The following C1QTNF7 variants were observed in gnomAD, a reference collection of about 807,000 sequenced individuals.
The protein encoded by C1QTNF7 is complement C1q tumor necrosis factor-related protein 7.
C1QTNF7 carries 15 observed loss-of-function variants against 19.6 expected under a neutral mutation model. The observed-to-expected ratio is 0.76, with a 90% CI of 0.51 to 1.18. The LOEUF (loss-of-function observed/expected upper bound fraction) is 1.18. Ranked by LOEUF, C1QTNF7 falls within the 50% of genes most tolerant of loss-of-function variation. The pLI is 0.00. For missense variants in C1QTNF7, 324 were observed against 359.7 expected (o/e 0.90, Z 0.80); for synonymous variants, 142 against 137.5 (o/e 1.03, Z -0.23).
upstream of C1QTNF7, among the ~76,000 whole-genome samples, chr4:15,426,199 A>C (rs887151666): frequency 6.6e-6 from 1 of 152,206 alleles, no homozygotes; most frequent in Non-Finnish European, 1.5e-5. Context: ...GGAAAGACAA[A>C]ATAAGACCCC....
At chr4:15,389,306 A>G (rs1718465600) in intron 1 of C1QTNF7, among the ~76,000 whole-genome samples, 1 of 152,192 alleles carries the variant, frequency 6.6e-6, no homozygotes, top group Admixed American at 6.5e-5. Context: ...AAGGCAGGGC[A>G]TGCTGGTGAG....
intron 1 of C1QTNF7, among the ~76,000 whole-genome samples, chr4:15,351,554 T>C (rs889644138): frequency 2.6e-5 from 4 of 152,198 alleles, no homozygotes; most frequent in Non-Finnish European, 1.5e-5. Flanking sequence ...TTCTCAACCA[T>C]GGCTGCACCT....
intron 2 of C1QTNF7, among the ~76,000 whole-genome samples, chr4:15,438,530 A>C (rs1004658024): frequency 8.5e-5 from 13 of 152,220 alleles, no homozygotes; most frequent in Non-Finnish European, 1.3e-4. Flanking sequence ...TCCCTATCCT[A>C]AATGAGAAAT....
At chr4:15,402,581 C>G (rs564228441) in intron 1 of C1QTNF7, among the ~76,000 whole-genome samples, 2 of 151,996 alleles carry the variant, frequency 1.3e-5, no homozygotes, top group Non-Finnish European at 2.9e-5. Context: ...AATTGGGAGG[C>G]TAGGGGTGGA....
rs114750230 is a variant in C1QTNF7, at chr4:15,388,120, C to T, written c.14-47616C>T. Among the ~76,000 whole-genome samples the T allele has an allele frequency of 3.6e-3, 544 of 152,254 alleles. 5 individuals carry two copies. The highest frequency in any genetic ancestry group is 0.013 in the African/African-American group (523 of 41,534). On this transcript the variant is annotated intron_variant, in intron 1 of 2. Transcript: ENST00000295297. ...GATTGTATATCTTCTGATTACTTCT[C>T]TTTTCTCAATAAAATGGGAAATAAA...
At chr4:15,347,512 C>T (rs967709769) in intron 1 of C1QTNF7, among the ~76,000 whole-genome samples, 2 of 152,198 alleles carry the variant, frequency 1.3e-5, no homozygotes, top group African/African-American at 2.4e-5. Context: ...TGCATGCCCT[C>T]TTGAAACAGG....
At chr4:15,409,376 G>A (rs1271031203) in intron 1 of C1QTNF7, among the ~76,000 whole-genome samples, 1 of 152,202 alleles carries the variant, frequency 6.6e-6, no homozygotes. Context: ...GACTCTAAGT[G>A]ATTGCAGCTT....
rs1364086329 is a variant in C1QTNF7 at position 15,443,666 on chromosome 4, G to C, written c.*867G>C. Reference sequence around the variant, plus strand: ...GATTGGTATTCTCAACAGCAAAGGGGTGAAAAATCTAGAGACAGAGGAGGC... The same window carrying C: ...GATTGGTATTCTCAACAGCAAAGGGCTGAAAAATCTAGAGACAGAGGAGGC... On this transcript the variant is annotated 3_prime_UTR_variant, in exon 3 of 3. Coordinates refer to ENST00000444304, the MANE Select transcript of C1QTNF7 (RefSeq NM_031911.5). 1 of 152,172 alleles carries C rather than the reference G, an allele frequency of 6.6e-6. No individual in the cohort carries two copies. The highest frequency in any genetic ancestry group is 1.5e-5 in the Non-Finnish European group (1 of 68,036). 9.4% of individuals were successfully genotyped at this position (152,172 alleles called of 1,614,324 possible).
chr4:15,359,161 G>A (rs1717253225), intron 1 of C1QTNF7, among the ~76,000 whole-genome samples: 1 of 152,096 alleles, frequency 6.6e-6, no homozygotes, highest in African/African-American at 2.4e-5. Context: ...CATTCCATAA[G>A]CCAAATTGTA....
At chr4:15,374,673 C>A in intron 1 of C1QTNF7, 2 of 985,290 alleles carry the variant, frequency 2.0e-6, no homozygotes, top group Non-Finnish European at 2.4e-6. Context: ...TATGAATAAT[C>A]CTCGCTGCCA....
At chr4:15,422,474 C>A (rs1184062460) in intron 1 of C1QTNF7, among the ~76,000 whole-genome samples, 2 of 152,212 alleles carry the variant, frequency 1.3e-5, no homozygotes, top group African/African-American at 4.8e-5. Flanking sequence ...CATCTAATAT[C>A]TACCCTAACC....
upstream of C1QTNF7, among the ~76,000 whole-genome samples, chr4:15,423,859 A>T (rs561755938): frequency 4.3e-3 from 653 of 152,236 alleles, 3 homozygotes; most frequent in African/African-American, 0.015. Flanking sequence ...CCTTTAGGCA[A>T]GTTCTCTCTT....
At chr4:15,420,416 T>G (rs1383894658) in intron 1 of C1QTNF7, among the ~76,000 whole-genome samples, 7 of 152,164 alleles carry the variant, frequency 4.6e-5, no homozygotes, top group Non-Finnish European at 7.4e-5. Flanking sequence ...AAGACATGCA[T>G]TTCCTAGTCC....
At chr4:15,407,477 G>A (rs758294582) in intron 1 of C1QTNF7, among the ~76,000 whole-genome samples, 4 of 152,112 alleles carry the variant, frequency 2.6e-5, no homozygotes, top group South Asian at 2.1e-4. Flanking sequence ...GATGTTAGCC[G>A]CAAGCCTAAT....
Position 15,369,232 on chromosome 4 carries a change from T to C in C1QTNF7, c.13+29025T>C, listed in dbSNP as rs1717637304. On this transcript the variant is annotated intron_variant, in intron 1 of 2. Transcript: ENST00000295297. ...AGTCTCTGCACACAAGTTGTGCTGA[T>C]TAAGGCTCAAGTGAGAAAACAGCCC... 3.9e-5 allele frequency among the ~76,000 whole-genome samples: 6 copies of C among 152,160 alleles called. No homozygotes were observed. In the South Asian group the frequency reaches 1.0e-3, roughly 26 times the overall value.
At chr4:15,427,080 C>G (rs1712084271), upstream of C1QTNF7, among the ~76,000 whole-genome samples, 1 of 152,138 alleles carries the variant, frequency 6.6e-6, no homozygotes, top group East Asian at 1.9e-4. Context: ...ACCATTTCCT[C>G]CAGTGTGGAG....
intron 1 of C1QTNF7, among the ~76,000 whole-genome samples, chr4:15,417,216 A>G (rs1327570129): frequency 6.6e-6 from 1 of 152,194 alleles, no homozygotes; most frequent in Admixed American, 6.5e-5. Flanking sequence ...ATTCAGCAGC[A>G]TTTAGAACAT....
intron 1 of C1QTNF7, among the ~76,000 whole-genome samples, chr4:15,406,186 G>A (rs1320482642): frequency 3.3e-5 from 5 of 152,154 alleles, no homozygotes; most frequent in Admixed American, 2.0e-4. Context: ...AATCCCTAAA[G>A]GCAGGACATT....
At chr4:15,414,298 T>C (rs1343230020) in intron 1 of C1QTNF7, among the ~76,000 whole-genome samples, 1 of 152,220 alleles carries the variant, frequency 6.6e-6, no homozygotes, top group Non-Finnish European at 1.5e-5. Flanking sequence ...ATAAAACAAG[T>C]AACATTTCAT....
Sources: allele counts gnomAD v4.1 joint callset (sites outside exome capture counted in the v4.1 genomes callset), GRCh38; gene constraint gnomAD v4.1.1; transcripts MANE v1.5; gene names NCBI Gene and HGNC (gene_info 2026-07-23, HGNC 2026-07-21).